PKD1L3: variants seen among roughly 807,000 people sequenced by gnomAD.
PKD1L3 encodes polycystin 1 like 3, transient receptor potential channel interacting, also known as polycystin-1-like protein 3.
PKD1L3 carries 239 observed loss-of-function variants against 184.1 expected under a neutral mutation model. The observed-to-expected ratio is 1.30, with a 90% CI of 1.17 to 1.45. The LOEUF (loss-of-function observed/expected upper bound fraction) is 1.45. Among genes scored for constraint, PKD1L3 ranks in the 40% most tolerant of loss-of-function variants. The probability of loss-of-function intolerance (pLI) is 0.00; values close to 1 mark genes in which losing one functional copy is unlikely to be tolerated. For synonymous variants in PKD1L3, 996 were observed against 778.8 expected, an observed-to-expected ratio of 1.28 and a Z score of -4.64; for missense variants, 2,660 against 2,067.2, an observed-to-expected ratio of 1.29 and a Z score of -5.56.
At chr16:71,941,560 G>T (rs1353041365) in intron 24 of PKD1L3, among the ~76,000 whole-genome samples, 1 of 148,430 alleles carries the variant, frequency 6.7e-6, no homozygotes, top group Non-Finnish European at 1.5e-5. Context: ...GTTTCCAGAT[G>T]ATAGAACATT....
chr16:71,950,588 C>T (rs1459276254), intron 19 of PKD1L3, among the ~76,000 whole-genome samples: 3 of 152,054 alleles, frequency 2.0e-5, no homozygotes, highest in Non-Finnish European at 4.4e-5. Flanking sequence ...CTAGTAAGTG[C>T]CCAGGAGACT....
intron 9 of PKD1L3, among the ~76,000 whole-genome samples, chr16:71,979,093 A>C (rs1023114306): frequency 6.6e-6 from 1 of 152,232 alleles, no homozygotes; most frequent in Non-Finnish European, 1.5e-5. Flanking sequence ...CAATATATTG[A>C]TATGACTGGG....
At chr16:71,978,204 T>G in intron 10 of PKD1L3, 51 bp downstream of exon 10, 1 of 1,513,504 alleles carries the variant, frequency 6.6e-7, no homozygotes, top group Admixed American at 2.0e-5. Context: ...TCCATCCTGT[T>G]GCAGAATATC....
chr16:71,950,693 G>C (rs1175295281), intron 19 of PKD1L3, among the ~76,000 whole-genome samples: 1 of 151,648 alleles, frequency 6.6e-6, no homozygotes, highest in Non-Finnish European at 1.5e-5. Flanking sequence ...AAAGCAGAAA[G>C]GATATGTGGG....
intron 5 of PKD1L3, among the ~76,000 whole-genome samples, chr16:71,984,718 G>A (rs2040292043): frequency 6.6e-6 from 1 of 152,168 alleles, no homozygotes; most frequent in African/African-American, 2.4e-5. Flanking sequence ...AATTAACCAG[G>A]CTTGGTGGTG....
At chr16:71,990,085 CAAAA>C (rs34692174) in intron 4 of PKD1L3, among the ~76,000 whole-genome samples, 191 bp downstream of exon 4, 48 of 119,122 alleles carry the variant, frequency 4.0e-4, no homozygotes, top group African/African-American at 6.3e-4. Context: ...TCTCTCCCAC[CAAAA>C]AAAAAAAAAA....
intron 16 of PKD1L3, among the ~76,000 whole-genome samples, chr16:71,961,064 C>A (rs902175512): frequency 1.3e-5 from 2 of 152,012 alleles, no homozygotes; most frequent in Non-Finnish European, 2.9e-5. Context: ...GAGACAGGAT[C>A]TCATTTTTTT....
At chr16:71,946,080 T>C (rs924355034) in intron 22 of PKD1L3, among the ~76,000 whole-genome samples, 3 of 152,144 alleles carry the variant, frequency 2.0e-5, no homozygotes, top group Non-Finnish European at 4.4e-5. Context: ...TGCCTCAGCC[T>C]CCCACGTAGC....
intron 23 of PKD1L3, 31 bp from the exon 24 acceptor site, chr16:71,943,055 T>C (rs2038417654): frequency 1.4e-6 from 2 of 1,475,866 alleles, no homozygotes. Context: ...AATGTCATAG[T>C]TGAGTGGTTA....
chr16:71,998,695 T>C (rs2040872363), intron 1 of PKD1L3, among the ~76,000 whole-genome samples: 1 of 152,014 alleles, frequency 6.6e-6, no homozygotes, highest in Admixed American at 6.6e-5. Flanking sequence ...AGGTGATCCA[T>C]CCACCTCCAC....
intron 15 of PKD1L3, among the ~76,000 whole-genome samples, chr16:71,965,443 C>G (rs1461481428): frequency 6.6e-6 from 1 of 152,014 alleles, no homozygotes; most frequent in Admixed American, 6.6e-5. Flanking sequence ...TTTAACTTCA[C>G]AAGAAACTGG....
intron 16 of PKD1L3, among the ~76,000 whole-genome samples, chr16:71,960,129 A>ACAAC (rs2039215932): frequency 1.3e-5 from 2 of 152,038 alleles, no homozygotes; most frequent in Non-Finnish European, 2.9e-5. Flanking sequence ...TCTGAAAGAA[A>ACAAC]CAACCAACCA....
intron 4 of PKD1L3, among the ~76,000 whole-genome samples, 187 bp from the exon 5 acceptor site, chr16:71,986,656 C>A (rs947128541): frequency 2.6e-5 from 4 of 152,056 alleles, no homozygotes; most frequent in Non-Finnish European, 5.9e-5. Context: ...ACTTGAGATT[C>A]ATGATTTATA....
rs2040079239 is a variant in PKD1L3, at chr16:71,979,846, G to A, written c.1338C>T (p.Gly446=). 2.0e-6 allele frequency: 3 copies of A among 1,526,338 alleles called. No individual in the cohort carries two copies. The highest frequency in any genetic ancestry group is 2.6e-6 in the Non-Finnish European group (3 of 1,141,214). 94.5% of individuals were successfully genotyped at this position (1,526,338 alleles called of 1,614,324 possible). A position where few individuals can be genotyped will look rare whatever the true frequency, so the allele number is the denominator to read the frequency against. The change falls in exon 9 of 30, where the codon GGC becomes GGT. Residue 446 remains glycine (G), a synonymous_variant. Coordinates refer to ENST00000620267, the MANE Select transcript of PKD1L3 (RefSeq NM_181536.2). ...CCTTCAAAGCTAAAGCCGACGGAAA[G>A]CCTAGCCTCACAGGGGCTGGGTGAC... ...TLGHPAPVRL[G]FPSALALKEL... is the part of the protein sequence containing the mutation.
chr16:71,964,163 C>T (rs1014036477), intron 15 of PKD1L3, among the ~76,000 whole-genome samples: 2 of 151,990 alleles, frequency 1.3e-5, no homozygotes, highest in Non-Finnish European at 2.9e-5. Flanking sequence ...CCGTTCACAC[C>T]CCTGTCCTCT....
At chr16:71,972,373 C>G (rs1360190082) in intron 12 of PKD1L3, among the ~76,000 whole-genome samples, 1 of 152,208 alleles carries the variant, frequency 6.6e-6, no homozygotes, top group African/African-American at 2.4e-5. Flanking sequence ...GCACTCCAGC[C>G]TGGGCAACAA....
At position 71,942,990 on chromosome 16, in the gene PKD1L3, T is replaced by A. The variant is rs1349948166; in HGVS notation, c.3894A>T (p.Ala1298=). The change falls in exon 24 of 30, where the codon GCA becomes GCT. Residue 1298 remains alanine (A), a synonymous_variant. Transcript: ENST00000620267. ...QILFLTLLMT[A]IYSAKNSNRF... ...TATTGGAGTTCTTTGCAGAGTAGAT[T>A]GCAGTCATCAACAGGGTAAGGAAGA... 1.9e-6 allele frequency: 3 copies of A among 1,551,352 alleles called. No individual in the cohort carries two copies. The highest frequency in any genetic ancestry group is 2.6e-6 in the Non-Finnish European group (3 of 1,146,862).
chr16:71,968,115 C>G (rs2143592977), intron 13 of PKD1L3, 108 bp from the exon 14 acceptor site: 1 of 856,570 alleles, frequency 1.2e-6, no homozygotes, highest in African/African-American at 1.7e-5. Flanking sequence ...GTCTGGCAGC[C>G]CTGCAGAAAG....
intron 1 of PKD1L3, 98 bp downstream of exon 1, chr16:71,999,586 C>G: frequency 8.1e-7 from 1 of 1,228,364 alleles, no homozygotes; most frequent in Non-Finnish European, 1.1e-6. Context: ...GTTTTTCTGT[C>G]TACAAAAGCA....
Sources: gnomAD v4.1 joint callset for allele counts (sites outside exome capture counted in the v4.1 genomes callset) on GRCh38, gnomAD v4.1.1 for gene constraint, MANE v1.5 for transcripts, NCBI Gene and HGNC (gene_info 2026-07-23, HGNC 2026-07-21) for gene names.